SLC4A5: variants seen among roughly 807,000 people sequenced by gnomAD.
The protein encoded by SLC4A5 is electrogenic sodium bicarbonate cotransporter 4.
Under a neutral mutation model 120.4 loss-of-function variants are expected in SLC4A5, and 96 were observed. The ratio of observed to expected loss-of-function variants is 0.80; its 90% CI spans 0.68 to 0.94. The LOEUF (loss-of-function observed/expected upper bound fraction) is 0.94, where lower values mean the gene tolerates loss of function less well. SLC4A5 is among the 40% of genes least tolerant of loss of function. The pLI, the probability that SLC4A5 is intolerant of heterozygous loss-of-function variation, is 0.00. For synonymous variants in SLC4A5, 550 were observed against 571.1 expected, an observed-to-expected ratio of 0.96 and a Z score of 0.53; for missense variants, 1,259 against 1,459.5, an observed-to-expected ratio of 0.86 and a Z score of 2.24.
At position 74,255,944 on chromosome 2, in the gene SLC4A5, G is replaced by A. The variant is rs760045524; in HGVS notation, c.868-12C>T. The stretch of plus-strand genomic sequence containing the variant: ...AATTTGTTTTTCCGCTGGACAGGGA[G>A]GGGAAACGAGATAGCCAAGGAGACT... On this transcript the variant is annotated splice_polypyrimidine_tract_variant and intron_variant, in intron 12 of 30. Transcript: ENST00000394019. The surrounding 1 kb of genome is among the most constrained non-coding windows in gnomAD (Gnocchi z 4.0). 6.2e-7 allele frequency: 1 copy of A among 1,612,202 alleles called. No individual in the cohort carries two copies. Among genetic ancestry groups the A allele is most frequent in the Non-Finnish European group, 8.5e-7 (1 of 1,178,376 alleles).
intron 9 of SLC4A5, among the ~76,000 whole-genome samples, chr2:74,264,667 G>A (rs1671246108): frequency 6.6e-6 from 1 of 152,068 alleles, no homozygotes; most frequent in Non-Finnish European, 1.5e-5. Context: ...AATACTTCTG[G>A]CAAAATCCAA....
At chr2:74,227,293 C>T (rs909474367) in intron 26 of SLC4A5, among the ~76,000 whole-genome samples, 163 bp from the exon 27 acceptor site, 21 of 152,210 alleles carry the variant, frequency 1.4e-4, no homozygotes, top group African/African-American at 4.3e-4. Flanking sequence ...TAGGCGGATG[C>T]ATAATGGGGT....
chr2:74,262,032 T>C, intron 11 of SLC4A5, 105 bp downstream of exon 11: 1 of 1,035,440 alleles, frequency 9.7e-7, no homozygotes. Flanking sequence ...CTGAGAATTC[T>C]TGGCAGATCC....
chr2:74,242,889 A>C (rs1315306420), intron 19 of SLC4A5, among the ~76,000 whole-genome samples: 4 of 152,124 alleles, frequency 2.6e-5, no homozygotes, highest in Admixed American at 2.0e-4. Flanking sequence ...CCTGACCTCA[A>C]GTGATCTGCC....
intron 21 of SLC4A5, among the ~76,000 whole-genome samples, chr2:74,237,020 A>C (rs1161922444): frequency 7.0e-6 from 1 of 142,828 alleles, no homozygotes; most frequent in Non-Finnish European, 1.5e-5. Context: ...TCTGTCGCCC[A>C]GGCTGGAGTG....
At chr2:74,311,827 A>C (rs1049288544) in intron 6 of SLC4A5, among the ~76,000 whole-genome samples, 4 of 152,142 alleles carry the variant, frequency 2.6e-5, no homozygotes, top group African/African-American at 9.7e-5. Flanking sequence ...CAGGTGATTT[A>C]TATGCTGTTC....
chr2:74,293,003 A>G (rs983344228), intron 7 of SLC4A5, among the ~76,000 whole-genome samples: 2 of 150,654 alleles, frequency 1.3e-5, no homozygotes, highest in Non-Finnish European at 2.9e-5. Context: ...ACTCGGGAGT[A>G]TATTTGCTGA....
intron 7 of SLC4A5, among the ~76,000 whole-genome samples, chr2:74,289,854 G>A (rs1306483622): frequency 6.6e-6 from 1 of 152,082 alleles, no homozygotes; most frequent in Non-Finnish European, 1.5e-5. Flanking sequence ...TACCTTGGAG[G>A]ATGGCATGAA....
intron 7 of SLC4A5, among the ~76,000 whole-genome samples, chr2:74,294,914 G>T (rs561467904): frequency 6.6e-6 from 1 of 152,052 alleles, no homozygotes; most frequent in Non-Finnish European, 1.5e-5. Context: ...CAAGTGATCC[G>T]CCTGCCTCAG....
chr2:74,245,079 G>A (rs1192779908), intron 19 of SLC4A5, among the ~76,000 whole-genome samples: 3 of 152,172 alleles, frequency 2.0e-5, no homozygotes, highest in African/African-American at 7.2e-5. Context: ...CCAGCACTTT[G>A]GGAGGCCAGG....
At chr2:74,225,531 G>A (rs1267873416) in intron 27 of SLC4A5, among the ~76,000 whole-genome samples, 1 of 152,166 alleles carries the variant, frequency 6.6e-6, no homozygotes, top group Admixed American at 6.5e-5. Context: ...GGGAGGCGGA[G>A]GTTGCAGTGA....
chr2:74,232,461 C>A lies in SLC4A5; in HGVS notation c.2774+8G>T, dbSNP rs1670122430. On this transcript the variant is annotated splice_region_variant and intron_variant, in intron 24 of 30. Coordinates refer to ENST00000394019, the Ensembl canonical transcript of SLC4A5. Reference sequence around the variant, plus strand: ...ATTGGGTGATCCCTAGGCCCTGACCCCTCCTACCTGACTCCCAGAAACTGG... The same window carrying A: ...ATTGGGTGATCCCTAGGCCCTGACCACTCCTACCTGACTCCCAGAAACTGG... The A allele has an allele frequency of 1.2e-6, 2 of 1,613,764 alleles. No homozygotes were observed. Among genetic ancestry groups the A allele is most frequent in the East Asian group, 4.5e-5 (2 of 44,860 alleles).
At chr2:74,264,015 G>T in intron 10 of SLC4A5, 132 bp downstream of exon 10, 3 of 1,202,014 alleles carry the variant, frequency 2.5e-6, no homozygotes, top group Non-Finnish European at 2.3e-6. Flanking sequence ...TGCCAGAGAA[G>T]GAGGCTGAGG....
At chr2:74,275,582 T>C (rs902235216) in intron 8 of SLC4A5, among the ~76,000 whole-genome samples, 7 of 152,182 alleles carry the variant, frequency 4.6e-5, no homozygotes, top group African/African-American at 1.7e-4. Flanking sequence ...AGTTCAAAAG[T>C]CACCTCTCCT....
chr2:74,232,557 T>C (rs764725561), exon 24 of SLC4A5: 1 of 1,613,932 alleles, frequency 6.2e-7, no homozygotes, highest in Admixed American at 1.7e-5. Flanking sequence ...GAGATGACCG[T>C]GGCAGCCACG....
chr2:74,264,146 C>T lies in SLC4A5; in HGVS notation c.715+1G>A. On this transcript the variant is annotated splice_donor_variant, in intron 10 of 30. Transcript: ENST00000394019. LOFTEE classifies it high-confidence loss of function. ...GCCTACCAGCGTAAGGCCTGACTCA[C>T]TTGTGGTGGAGACTGACTTCCCAAT... 1 of 1,613,182 alleles carries T rather than the reference C, an allele frequency of 6.2e-7. No individual in the cohort carries two copies. Among genetic ancestry groups the T allele is most frequent in the Non-Finnish European group, 8.5e-7 (1 of 1,179,532 alleles).
At chr2:74,322,079 T>TG (rs1317331513) in intron 5 of SLC4A5, among the ~76,000 whole-genome samples, 5 of 151,964 alleles carry the variant, frequency 3.3e-5, no homozygotes, top group African/African-American at 1.2e-4. Context: ...GTGACAGGTA[T>TG]GAAGACCAAA....
Position 74,308,646 on chromosome 2 carries a change from A to G in SLC4A5, c.80-3966T>C, listed in dbSNP as rs566376643. ...TTTATCAGATACATGCCTTTTGCAA[A>G]TATTTTCTCCTGGTCTGTGGGTTTT... On this transcript the variant is annotated intron_variant, in intron 6 of 30. Transcript: ENST00000394019. 3.9e-5 allele frequency among the ~76,000 whole-genome samples: 6 copies of G among 152,094 alleles called. 1 individual carries two copies. In the East Asian group the frequency reaches 9.6e-4, roughly 24 times the overall value.
At chr2:74,231,826 C>T (rs1164453255) in intron 24 of SLC4A5, among the ~76,000 whole-genome samples, 1 of 152,182 alleles carries the variant, frequency 6.6e-6, no homozygotes, top group East Asian at 1.9e-4. Context: ...GCCCTGCAGT[C>T]GGGCAGAGAA....
Sources: gnomAD v4.1 joint callset for allele counts (sites outside exome capture counted in the v4.1 genomes callset) on GRCh38, gnomAD v4.1.1 for gene constraint, Gnocchi (gnomAD v3.1) non-coding constraint, MANE v1.5 for transcripts, NCBI Gene and HGNC (gene_info 2026-07-23, HGNC 2026-07-21) for gene names.